Variants in SYDE2 observed in about 807,000 individuals in gnomAD.
The protein encoded by SYDE2 is synapse defective Rho GTPase homolog 2.
In SYDE2, 76 loss-of-function variants were observed where a neutral mutation model predicts 91.5. That is an observed-to-expected ratio of 0.83 (90% confidence interval 0.69 to 1.01). The LOEUF is 1.01. SYDE2 is among the 50% of genes least tolerant of loss of function. SYDE2 has a pLI of 0.00. For missense variants in SYDE2, 1,364 were observed against 1,367.7 expected (o/e 1.00, Z 0.04); for synonymous variants, 513 against 506.4 (o/e 1.01, Z -0.18).
At chr1:85,164,825 G>T in intron 5 of SYDE2, 68 bp from the exon 6 acceptor site, 1 of 898,938 alleles carries the variant, frequency 1.1e-6, no homozygotes, top group Non-Finnish European at 1.5e-6. Flanking sequence ...ATTTATAGCA[G>T]GAAATACAGA....
At position 85,182,136 on chromosome 1, in the gene SYDE2, G is replaced by A; in HGVS notation, c.2506C>T (p.Gln836Ter). 1 of 1,600,284 alleles carries A rather than the reference G, an allele frequency of 6.2e-7. No homozygotes were observed. The highest frequency in any genetic ancestry group is 8.5e-7 in the Non-Finnish European group (1 of 1,174,034). ...TTTTCAATTTCCATAATACATTTCT[G>A]TATCAGAAGGGGCACCATCAGTCCT... Reference protein sequence around the residue: ...NIGLMVPLLIQKCIMEIEKRG... With the variant: ...NIGLMVPLLI The change falls in exon 3 of 7, where the codon CAG (glutamine) becomes TAG (stop). Residue 836 changes from glutamine (Q) to a stop codon, truncating the protein, a stop_gained. Transcript: ENST00000341460. LOFTEE classifies it high-confidence loss of function.
intron 6 of SYDE2, 100 bp from the exon 7 acceptor site, chr1:85,159,349 A>G: frequency 4.4e-6 from 3 of 678,094 alleles, no homozygotes; most frequent in South Asian, 3.2e-5. Flanking sequence ...AACTACAAAC[A>G]TGCATTAAAA....
At chr1:85,200,087 A>T in intron 1 of SYDE2, 165 bp downstream of exon 1, 1 of 950,380 alleles carries the variant, frequency 1.1e-6, no homozygotes, top group Non-Finnish European at 1.3e-6. Context: ...GCATTACATT[A>T]AGTAACCCCG....
rs1366304595 is a variant in SYDE2, at chr1:85,158,834, G to C, written c.3501C>G (p.Leu1167=). ...TATCAATACTTTCTTGTAGATCTTT[G>C]AGATTGTTTTTTCGATCCACTGTAG... The part of the protein sequence containing the change: ...VESTVDRKNN[L]KDLQESIDTL... The change falls in exon 7 of 7, where the codon CTC becomes CTG. Residue 1167 remains leucine (L), a synonymous_variant. Coordinates refer to ENST00000341460, the MANE Select transcript of SYDE2 (RefSeq NM_032184.2). 1 of 776,150 alleles carries C rather than the reference G, an allele frequency of 1.3e-6. No individual in the cohort carries two copies. The highest frequency in any genetic ancestry group is 1.7e-5 in the African/African-American group (1 of 58,858). The allele number at this position is 776,150 out of a possible 1,614,324, so 48.1% of individuals were successfully genotyped here. A position where few individuals can be genotyped will look rare whatever the true frequency, so the allele number is the denominator to read the frequency against.
intron 1 of SYDE2, chr1:85,194,886 C>A: frequency 1.0e-6 from 1 of 976,418 alleles, no homozygotes; most frequent in South Asian, 4.7e-5. Flanking sequence ...ACCGGCTGGG[C>A]GCGGTGGCTC....
chr1:85,170,597 G>T (rs1264232083), intron 4 of SYDE2, among the ~76,000 whole-genome samples: 1 of 152,092 alleles, frequency 6.6e-6, no homozygotes, highest in Admixed American at 6.5e-5. Context: ...CTGGATTTTT[G>T]ATTTTTGGAT....
At chr1:85,186,159 G>A (rs1344691103) in intron 2 of SYDE2, among the ~76,000 whole-genome samples, 2 of 152,080 alleles carry the variant, frequency 1.3e-5, no homozygotes, top group Non-Finnish European at 2.9e-5. Context: ...CTTGATCTTG[G>A]TGGATAAGCT....
chr1:85,188,641 C>T (rs1658245420), intron 2 of SYDE2, among the ~76,000 whole-genome samples: 1 of 152,196 alleles, frequency 6.6e-6, no homozygotes, highest in Non-Finnish European at 1.5e-5. Flanking sequence ...AGCTTGACCT[C>T]ATGAGAAAAC....
rs546197759 is a variant in SYDE2 at position 85,195,040 on chromosome 1, G to A, written c.746-4288C>T. ...CCGAGCATGGTGGCGGGCGCCTGTA[G>A]TCCCAGCTACTCGGGAGGCTGAGGC... On this transcript the variant is annotated intron_variant, in intron 1 of 6. Transcript: ENST00000341460. 7.9e-5 allele frequency among the ~76,000 whole-genome samples: 12 copies of A among 152,092 alleles called. No homozygotes were observed. In the East Asian group the frequency reaches 2.3e-3, roughly 30 times the overall value.
At chr1:85,154,863 A>C, downstream of SYDE2, among the ~76,000 whole-genome samples, 1 of 152,078 alleles carries the variant, frequency 6.6e-6, no homozygotes, top group Non-Finnish European at 1.5e-5. Context: ...AGGCCCAATA[A>C]AAATAAAGTG....
At chr1:85,181,027 G>A (rs1657895333) in intron 3 of SYDE2, 1 of 151,788 alleles carries the variant, frequency 6.6e-6, no homozygotes, top group South Asian at 2.1e-4. Flanking sequence ...ACAAACTGGA[G>A]ACAGAATGAT....
intron 5 of SYDE2, among the ~76,000 whole-genome samples, chr1:85,165,667 C>CA (rs935938694): frequency 6.7e-6 from 1 of 149,950 alleles, no homozygotes; most frequent in Admixed American, 6.6e-5. Context: ...AAAAAATTAC[C>CA]AAAAAAAATA....
intron 2 of SYDE2, among the ~76,000 whole-genome samples, chr1:85,189,064 A>G (rs1176225188): frequency 6.6e-6 from 1 of 152,226 alleles, no homozygotes; most frequent in Non-Finnish European, 1.5e-5. Flanking sequence ...AAAGAAGCAC[A>G]TCAGAAAATT....
chr1:85,166,338 CAA>C (rs532102373), intron 5 of SYDE2, among the ~76,000 whole-genome samples: 45 of 125,206 alleles, frequency 3.6e-4, no homozygotes, highest in African/African-American at 1.2e-3. Context: ...GACTCCGTCT[CAA>C]AAAAAAAAAA....
In SYDE2 at chr1:85,186,939, C is replaced by T. The variant is rs989536836; in HGVS notation, c.1441+3118G>A. ...AGAAGAAAACCTAGGTATTACCATT[C>T]AGGACACAGGCATGGGCAAGGACTT... On this transcript the variant is annotated intron_variant, in intron 2 of 6. Transcript: ENST00000341460. 6.6e-5 allele frequency among the ~76,000 whole-genome samples: 10 copies of T among 152,316 alleles called. 1 individual carries two copies. Among genetic ancestry groups the T allele is most frequent in the Admixed American group, 2.0e-4 (3 of 15,304 alleles).
chr1:85,159,317 A>G, intron 6 of SYDE2, 68 bp from the exon 7 acceptor site: 1 of 726,400 alleles, frequency 1.4e-6, no homozygotes. Context: ...AAACAGAGCT[A>G]AAGATAAGCC....
intron 2 of SYDE2, among the ~76,000 whole-genome samples, chr1:85,186,225 A>G (rs1402703588): frequency 6.6e-6 from 1 of 152,076 alleles, no homozygotes; most frequent in East Asian, 1.9e-4. Context: ...TTTTTGCATC[A>G]ATGTTCATCA....
Position 85,164,568 on chromosome 1 carries a change from T to C in SYDE2, c.3043A>G (p.Lys1015Glu). The change falls in exon 6 of 7, where the codon AAA becomes GAA. Residue 1015 changes from lysine to glutamate, a missense_variant. Coordinates refer to ENST00000341460, the MANE Select transcript of SYDE2 (RefSeq NM_032184.2). The stretch of plus-strand genomic sequence containing the variant: ...AAGTAATGAAGAACTTCAATGTGTT[T>C]TTTAAAATCCAAAGCACTTGCAAGT... ...EELASALDFK[K>E]HIEVLHYLLQ... 6.2e-7 allele frequency: 1 copy of C among 1,607,378 alleles called. No individual in the cohort carries two copies. The highest frequency in any genetic ancestry group is 2.2e-5 in the East Asian group (1 of 44,732).
At chr1:85,187,265 A>C (rs1658180075) in intron 2 of SYDE2, among the ~76,000 whole-genome samples, 2 of 152,174 alleles carry the variant, frequency 1.3e-5, no homozygotes, top group South Asian at 4.1e-4. Flanking sequence ...ACATGAAAAA[A>C]TGCTCACCAT....
Sources: gnomAD v4.1 joint callset for allele counts (sites outside exome capture counted in the v4.1 genomes callset) on GRCh38, gnomAD v4.1.1 for gene constraint, MANE v1.5 for transcripts, NCBI Gene and HGNC (gene_info 2026-07-23, HGNC 2026-07-21) for gene names.